UNC5D: variants seen among roughly 807,000 people sequenced by gnomAD.
UNC5D encodes the protein unc-5 netrin receptor D, also known as netrin receptor UNC5D.
In UNC5D, 39 loss-of-function variants were observed where a neutral mutation model predicts 105.4. The observed-to-expected ratio is 0.37, with a 90% CI of 0.29 to 0.48. UNC5D has a LOEUF of 0.48. UNC5D is among the 20% of genes least tolerant of loss of function. The probability of loss-of-function intolerance (pLI) is 0.98; values close to 1 mark genes in which losing one functional copy is unlikely to be tolerated. For missense variants in UNC5D, 991 were observed against 1,202.4 expected (o/e 0.82, Z 2.60); for synonymous variants, 452 against 450.4 (o/e 1.00, Z -0.04).
At chr8:35,461,551 C>T (rs1025880712) in intron 1 of UNC5D, among the ~76,000 whole-genome samples, 1 of 152,102 alleles carries the variant, frequency 6.6e-6, no homozygotes, top group Non-Finnish European at 1.5e-5. Context: ...TCCATTCCAG[C>T]TGGAGAAGAT....
intron 2 of UNC5D, among the ~76,000 whole-genome samples, chr8:35,555,301 A>G (rs1022807617): frequency 1.3e-5 from 2 of 152,230 alleles, no homozygotes; most frequent in Non-Finnish European, 2.9e-5. Context: ...TGAATTCCCT[A>G]CATAAACTGG....
intron 8 of UNC5D, among the ~76,000 whole-genome samples, chr8:35,719,186 A>ACG (rs1828430018): frequency 6.8e-6 from 1 of 146,978 alleles, no homozygotes; most frequent in Non-Finnish European, 1.5e-5. Flanking sequence ...ACACACACAC[A>ACG]CGACTTTCTC....
At chr8:35,649,027 A>G (rs1196901336) in intron 4 of UNC5D, among the ~76,000 whole-genome samples, 1 of 152,172 alleles carries the variant, frequency 6.6e-6, no homozygotes, top group Non-Finnish European at 1.5e-5. Context: ...ATGGTACTTC[A>G]CTTTTATTAC....
Position 35,795,622 on chromosome 8 carries a change from C to T in UNC5D, c.*5059C>T, listed in dbSNP as rs1803225738. The T allele has an allele frequency of 6.6e-6, 1 of 152,166 alleles. No individual in the cohort carries two copies. Among genetic ancestry groups the T allele is most frequent in the Non-Finnish European group, 1.5e-5 (1 of 68,028 alleles). The allele number at this position is 152,166 out of a possible 1,614,324, so 9.4% of individuals were successfully genotyped here. A position where few individuals can be genotyped will look rare whatever the true frequency, so the allele number is the denominator to read the frequency against. On this transcript the variant is annotated 3_prime_UTR_variant, in exon 17 of 17. Transcript: ENST00000404895. The stretch of plus-strand genomic sequence containing the variant: ...CAGTGATGCTGAGAGACACAGCACC[C>T]TGTGCCAGGTATCAGAAATATAAGC...
intron 1 of UNC5D, among the ~76,000 whole-genome samples, chr8:35,374,833 A>T (rs915170077): frequency 6.6e-6 from 1 of 152,206 alleles, no homozygotes; most frequent in Non-Finnish European, 1.5e-5. Flanking sequence ...AAATGCTGAC[A>T]GTTTTGTCTG....
chr8:35,495,318 T>TTA (rs1811481040), intron 1 of UNC5D, among the ~76,000 whole-genome samples: 1 of 151,924 alleles, frequency 6.6e-6, no homozygotes, highest in African/African-American at 2.4e-5. Context: ...AGAGGTCTTT[T>TTA]TATACCACAT....
At chr8:35,499,705 C>G (rs778645850) in intron 1 of UNC5D, among the ~76,000 whole-genome samples, 3 of 152,136 alleles carry the variant, frequency 2.0e-5, no homozygotes, top group Non-Finnish European at 4.4e-5. Context: ...GCTCCAGGAG[C>G]ACTGCAAGCT....
At chr8:35,652,416 T>C (rs1414937928) in intron 4 of UNC5D, among the ~76,000 whole-genome samples, 1 of 152,184 alleles carries the variant, frequency 6.6e-6, no homozygotes, top group East Asian at 1.9e-4. Context: ...AGGATGTACC[T>C]ACTCTCATTT....
At chr8:35,265,621 A>G (rs939286955) in intron 1 of UNC5D, among the ~76,000 whole-genome samples, 3 of 152,178 alleles carry the variant, frequency 2.0e-5, no homozygotes, top group Non-Finnish European at 2.9e-5. Flanking sequence ...CTGTAATCCC[A>G]GCACTTTGGG....
At chr8:35,582,882 A>G (rs1477566248) in intron 3 of UNC5D, among the ~76,000 whole-genome samples, 1 of 152,230 alleles carries the variant, frequency 6.6e-6, no homozygotes, top group Non-Finnish European at 1.5e-5. Context: ...GTCACTCAGG[A>G]AAGTCAGAGA....
chr8:35,569,877 T>C (rs548612473), intron 3 of UNC5D, among the ~76,000 whole-genome samples: 2 of 152,124 alleles, frequency 1.3e-5, no homozygotes, highest in South Asian at 2.1e-4. Flanking sequence ...TTTTTTCTGC[T>C]CACCCTCACT....
chr8:35,772,750 A>G (rs1802063855), intron 15 of UNC5D, among the ~76,000 whole-genome samples: 1 of 151,892 alleles, frequency 6.6e-6, no homozygotes, highest in East Asian at 1.9e-4. Context: ...ATGTCATAAG[A>G]CTGAAACCAA....
chr8:35,259,362 T>A (rs1261673822), intron 1 of UNC5D, among the ~76,000 whole-genome samples: 3 of 152,152 alleles, frequency 2.0e-5, no homozygotes, highest in Non-Finnish European at 4.4e-5. Context: ...TGCAGTACTT[T>A]CCTGGGCAGA....
chr8:35,664,497 T>G (rs752525325), intron 4 of UNC5D, among the ~76,000 whole-genome samples: 4 of 152,094 alleles, frequency 2.6e-5, no homozygotes, highest in Non-Finnish European at 5.9e-5. Flanking sequence ...TGCCTCAGCC[T>G]CCGAGTAGCT....
intron 4 of UNC5D, among the ~76,000 whole-genome samples, chr8:35,672,763 C>G (rs981901855): frequency 6.6e-6 from 1 of 152,134 alleles, no homozygotes; most frequent in African/African-American, 2.4e-5. Context: ...TCACTCATGA[C>G]AGTGTTACAG....
chr8:35,795,476 A>G lies in UNC5D; in HGVS notation c.*4913A>G, dbSNP rs551882111. Reference sequence around the variant, plus strand: ...GGTTCTGGTGAATCATAGAAGGGAGAGACAATATTTGAGGGGAGTTTATCA... The same window carrying G: ...GGTTCTGGTGAATCATAGAAGGGAGGGACAATATTTGAGGGGAGTTTATCA... On this transcript the variant is annotated 3_prime_UTR_variant, in exon 17 of 17. Transcript: ENST00000404895. 1.3e-5 allele frequency: 2 copies of G among 152,126 alleles called. No homozygotes were observed. Among genetic ancestry groups the G allele is most frequent in the African/African-American group, 2.4e-5 (1 of 41,410 alleles). 9.4% of individuals were successfully genotyped at this position (152,126 alleles called of 1,614,324 possible). A position where few individuals can be genotyped will look rare whatever the true frequency, so the allele number is the denominator to read the frequency against.
intron 1 of UNC5D, among the ~76,000 whole-genome samples, chr8:35,417,581 C>T (rs765525467): frequency 6.6e-6 from 1 of 151,938 alleles, no homozygotes; most frequent in Non-Finnish European, 1.5e-5. Context: ...GTACAGCACT[C>T]TGTTCTTATT....
intron 1 of UNC5D, among the ~76,000 whole-genome samples, chr8:35,420,836 C>A (rs574338482): frequency 6.6e-6 from 1 of 151,850 alleles, no homozygotes; most frequent in South Asian, 2.1e-4. Flanking sequence ...AGGGTAGGCC[C>A]AGGAGAACTA....
At chr8:35,690,540 A>T (rs73583031) in intron 7 of UNC5D, among the ~76,000 whole-genome samples, 1 of 152,202 alleles carries the variant, frequency 6.6e-6, no homozygotes, top group Non-Finnish European at 1.5e-5. Flanking sequence ...CTGGAAGCTG[A>T]GGTGTGAGGA....
Sources: allele counts gnomAD v4.1 joint callset (sites outside exome capture counted in the v4.1 genomes callset), GRCh38; gene constraint gnomAD v4.1.1; transcripts MANE v1.5; gene names NCBI Gene and HGNC (gene_info 2026-07-23, HGNC 2026-07-21).